The following EFCAB10 variants were observed in gnomAD, a reference collection of about 807,000 sequenced individuals.
EFCAB10 encodes the protein EF-hand calcium-binding domain-containing protein 10.
In EFCAB10, 7 loss-of-function variants were observed where a neutral mutation model predicts 7.7. The ratio of observed to expected loss-of-function variants is 0.91; its 90% CI spans 0.52 to 1.72. The LOEUF (loss-of-function observed/expected upper bound fraction) is 1.72. EFCAB10 is among the 40% of genes most tolerant of loss of function. The pLI is 0.00. For missense variants in EFCAB10, 112 were observed against 61.5 expected, an observed-to-expected ratio of 1.82 and a Z score of -2.74; for synonymous variants, 52 against 21.0, an observed-to-expected ratio of 2.47 and a Z score of -4.03.
At chr7:105,565,482 G>T (rs1258227454) in intron 4 of EFCAB10, 35 bp from the exon 5 acceptor site, 1 of 1,611,134 alleles carries the variant, frequency 6.2e-7, no homozygotes, top group South Asian at 1.1e-5. Flanking sequence ...ACTGTTTTTG[G>T]GCTGTGATAA....
chr7:105,578,162 T>C (rs73406963), intron 1 of EFCAB10, among the ~76,000 whole-genome samples: 192 of 152,330 alleles, frequency 1.3e-3, no homozygotes, highest in African/African-American at 4.5e-3. Context: ...GTTTACCATG[T>C]TGTCCTGGCA....
chr7:105,580,001 G>T (rs1562870343), intron 1 of EFCAB10, among the ~76,000 whole-genome samples: 1 of 147,824 alleles, frequency 6.8e-6, no homozygotes, highest in Non-Finnish European at 1.5e-5. Flanking sequence ...TTTATTTTTA[G>T]TTTTTTTTTT....
At chr7:105,581,255 G>A (rs1792227053) in intron 1 of EFCAB10, 103 bp downstream of exon 1, 3 of 652,624 alleles carry the variant, frequency 4.6e-6, no homozygotes, top group African/African-American at 1.8e-5. Flanking sequence ...AAGGGCTCAC[G>A]TGGCTGGGAG....
chr7:105,579,441 A>G (rs746702327), intron 1 of EFCAB10, among the ~76,000 whole-genome samples: 10 of 152,204 alleles, frequency 6.6e-5, no homozygotes, highest in Admixed American at 2.0e-4. Context: ...AAAAGAGGGT[A>G]TGGATGAATT....
chr7:105,565,571 G>C lies in EFCAB10; in HGVS notation c.*-124C>G. 6.2e-7 allele frequency: 1 copy of C among 1,614,010 alleles called. No individual in the cohort carries two copies. The highest frequency in any genetic ancestry group is 8.5e-7 in the Non-Finnish European group (1 of 1,179,912). ...ACTTCAATGAAGGAGGAGCAGCCCA[G>C]CTGCAGTTTGATATGACTCGGAATC... On this transcript the variant is annotated intron_variant, in intron 4 of 4. Coordinates refer to ENST00000480514, the MANE Select transcript of EFCAB10 (RefSeq NM_001355526.2).
At position 105,567,170 on chromosome 7, in the gene EFCAB10, G is replaced by A. The variant is rs1312610839; in HGVS notation, c.383+297C>T. On this transcript the variant is annotated intron_variant, in intron 4 of 4. Transcript: ENST00000480514. ...ATTTGAACGTCGGTTCTGCACTACT[G>A]CTGAAAGATGTACTGCAGTCAGCTT... The A allele has an allele frequency of 1.2e-6, 2 of 1,606,186 alleles. No individual in the cohort carries two copies. Among genetic ancestry groups the A allele is most frequent in the Non-Finnish European group, 1.7e-6 (2 of 1,177,954 alleles).
intron 1 of EFCAB10, among the ~76,000 whole-genome samples, chr7:105,578,294 G>T (rs765257492): frequency 6.6e-6 from 1 of 152,200 alleles, no homozygotes; most frequent in South Asian, 2.1e-4. Flanking sequence ...AGTCAGTGAG[G>T]AGCATCAAAA....
At chr7:105,566,032 G>A (rs989662849) in intron 4 of EFCAB10, among the ~76,000 whole-genome samples, 5 of 152,272 alleles carry the variant, frequency 3.3e-5, no homozygotes, top group Middle Eastern at 6.8e-3. Context: ...CACTTCGGGA[G>A]GCTGAGTTGG....
intron 1 of EFCAB10, among the ~76,000 whole-genome samples, chr7:105,577,604 G>C (rs975791092): frequency 5.9e-5 from 9 of 152,114 alleles, no homozygotes; most frequent in Non-Finnish European, 1.0e-4. Context: ...GATGCTCAGA[G>C]ACTATCCTGA....
At chr7:105,567,113 A>C in intron 4 of EFCAB10, 4 of 1,522,790 alleles carry the variant, frequency 2.6e-6, no homozygotes, top group East Asian at 2.3e-5. Flanking sequence ...TGTTTTCCCT[A>C]AACAGTATAA....
intron 1 of EFCAB10, among the ~76,000 whole-genome samples, chr7:105,575,115 CA>C (rs541720724): frequency 0.19 from 21,058 of 110,894 alleles, 1,606 homozygotes; most frequent in South Asian, 0.27. Flanking sequence ...AACTCTGTCT[CA>C]AAAAAAAAAA....
Position 105,581,474 on chromosome 7 carries a change from C to G in EFCAB10, c.-11G>C, listed in dbSNP as rs962218645. 3.7e-5 allele frequency: 26 copies of G among 703,028 alleles called. No homozygotes were observed. The highest frequency in any genetic ancestry group is 3.5e-4 in the African/African-American group (20 of 57,396). The allele number at this position is 703,028 out of a possible 1,614,324, so 43.5% of individuals were successfully genotyped here. A position where few individuals can be genotyped will look rare whatever the true frequency, so the allele number is the denominator to read the frequency against. ...GCTGCTGGTCTCCATCGCTCCGCGT[C>G]CCGCTGTTGCTAGGCGACTGCCTGG... is the stretch of plus-strand genomic sequence containing the variant. On this transcript the variant is annotated 5_prime_UTR_variant, in exon 1 of 5. Transcript: ENST00000480514.
At chr7:105,565,681 T>TATC in intron 4 of EFCAB10, 3 of 1,387,222 alleles carry the variant, frequency 2.2e-6, no homozygotes, top group Non-Finnish European at 3.1e-6. Flanking sequence ...AATATTAATG[T>TATC]ATCAAATTGT....
At chr7:105,576,468 A>C (rs1438135609) in intron 1 of EFCAB10, among the ~76,000 whole-genome samples, 1 of 151,758 alleles carries the variant, frequency 6.6e-6, no homozygotes, top group East Asian at 1.9e-4. Flanking sequence ...ATTAAGACAG[A>C]TTCTCACTCT....
In EFCAB10 at chr7:105,565,182, C is replaced by T. The variant is rs1323521269; in HGVS notation, c.*265G>A. 2 of 1,081,306 alleles carry T rather than the reference C, an allele frequency of 1.8e-6. No individual in the cohort carries two copies. The highest frequency in any genetic ancestry group is 1.3e-6 in the Non-Finnish European group (1 of 763,634). 67.0% of individuals were successfully genotyped at this position (1,081,306 alleles called of 1,614,324 possible). On this transcript the variant is annotated 3_prime_UTR_variant, in exon 5 of 5. Coordinates refer to ENST00000480514, the MANE Select transcript of EFCAB10 (RefSeq NM_001355526.2). ...GTATATTTTTTCTTATCCAAAATGC[C>T]CTAGGACAGAACACTTCCTCAAATT...
Position 105,581,424 on chromosome 7 carries a change from A to G in EFCAB10, c.40T>C (p.Leu14=), listed in dbSNP as rs577997487. 82 of 703,034 alleles carry G rather than the reference A, an allele frequency of 1.2e-4. No homozygotes were observed. Among genetic ancestry groups the G allele is most frequent in the Non-Finnish European group, 2.0e-4 (77 of 384,968 alleles). The allele number at this position is 703,034 out of a possible 1,614,324, so 43.5% of individuals were successfully genotyped here. ...SSRELQAAEY[L]EKHQIKEVVS... is the part of the protein sequence containing the mutation. The stretch of plus-strand genomic sequence containing the variant: ...ACCTCCTTGATCTGATGCTTTTCCA[A>G]ATACTCCGCGGCTTGGAGCTCCCTG... Residue 14 remains leucine, a synonymous_variant, in exon 1 of 5, where the codon TTG becomes CTG. Transcript: ENST00000480514.
In EFCAB10 at chr7:105,565,168, C is replaced by T; in HGVS notation, c.*279G>A. ...TTTAATGTTAGGCTGTATATTTTTT[C>T]TTATCCAAAATGCCCTAGGACAGAA... On this transcript the variant is annotated 3_prime_UTR_variant, in exon 5 of 5. Transcript: ENST00000480514. 1.2e-6 allele frequency: 1 copy of T among 854,574 alleles called. No individual in the cohort carries two copies. Among genetic ancestry groups the T allele is most frequent in the Non-Finnish European group, 1.7e-6 (1 of 578,610 alleles). The allele number at this position is 854,574 out of a possible 1,614,324, so 52.9% of individuals were successfully genotyped here. A position where few individuals can be genotyped will look rare whatever the true frequency, so the allele number is the denominator to read the frequency against.
Position 105,580,618 on chromosome 7 carries a change from T to C in EFCAB10, c.106+740A>G, listed in dbSNP as rs1792200490. The stretch of plus-strand genomic sequence containing the variant: ...CAACTAGCAAGAACTCTGTCTCCTA[T>C]ACATGATATTGGTTGGGTGTTTTTT... On this transcript the variant is annotated intron_variant, in intron 1 of 4. Coordinates refer to ENST00000480514, the MANE Select transcript of EFCAB10 (RefSeq NM_001355526.2). Among the ~76,000 whole-genome samples, 9 of 152,278 alleles carry C rather than the reference T, an allele frequency of 5.9e-5. No homozygotes were observed. The South Asian group carries it at 1.9e-3, about 32-fold the overall frequency.
chr7:105,569,049 G>T (rs949820366), intron 3 of EFCAB10, among the ~76,000 whole-genome samples, 154 bp downstream of exon 3: 1 of 151,288 alleles, frequency 6.6e-6, no homozygotes, highest in Non-Finnish European at 1.5e-5. Context: ...GGACTTTACC[G>T]TCAGCCTTAC....
Sources: allele counts gnomAD v4.1 joint callset (sites outside exome capture counted in the v4.1 genomes callset), GRCh38; gene constraint gnomAD v4.1.1; transcripts MANE v1.5; gene names NCBI Gene and HGNC (gene_info 2026-07-23, HGNC 2026-07-21).